DIP2C: variants seen among roughly 807,000 people sequenced by gnomAD.
DIP2C encodes disco-interacting protein 2 homolog C.
Under a neutral mutation model 192.4 loss-of-function variants are expected in DIP2C, and 33 were observed. The observed-to-expected ratio is 0.17, with a 90% CI of 0.13 to 0.23. DIP2C has a LOEUF of 0.23. DIP2C is among the 10% of genes least tolerant of loss of function. The pLI is 1.00. For missense variants in DIP2C, 1,537 were observed against 2,110.1 expected (o/e 0.73, Z 5.32); for synonymous variants, 979 against 864.1 (o/e 1.13, Z -2.33).
Position 527,294 on chromosome 10 carries a change from G to A in DIP2C, c.86-40764C>T, listed in dbSNP as rs142796991. 3.8e-3 allele frequency among the ~76,000 whole-genome samples: 575 copies of A among 152,182 alleles called. 5 individuals carry two copies. Among genetic ancestry groups the A allele is most frequent in the African/African-American group, 0.013 (530 of 41,508 alleles). On this transcript the variant is annotated intron_variant, in intron 1 of 36. Transcript: ENST00000280886. Reference sequence around the variant, plus strand: ...ATGGCCTGGCCTCCCGACCCTCCCCGCTTCTGGGCTTCTTGGCATGTTGTT... The same window carrying A: ...ATGGCCTGGCCTCCCGACCCTCCCCACTTCTGGGCTTCTTGGCATGTTGTT...
chr10:324,913 C>T (rs758293900), intron 31 of DIP2C: 1 of 532,088 alleles, frequency 1.9e-6, no homozygotes, highest in African/African-American at 1.9e-5. Flanking sequence ...TGTTTTGGTT[C>T]TTTTTTCACG....
At chr10:577,740 A>G (rs550307348) in intron 1 of DIP2C, among the ~76,000 whole-genome samples, 3 of 152,344 alleles carry the variant, frequency 2.0e-5, no homozygotes, top group South Asian at 4.1e-4. Flanking sequence ...AACACCTGGG[A>G]GAAATGTAAG....
Position 568,765 on chromosome 10 carries a change from C to CAAAAAAAAAAAAAAAA in DIP2C, c.86-82251_86-82236dup, listed in dbSNP as rs1206501677. On this transcript the variant is annotated intron_variant, in intron 1 of 36. Coordinates refer to ENST00000280886, the MANE Select transcript of DIP2C (RefSeq NM_014974.3). ...TGGGCGACAGAGGGAAACTCCGTCT[C>CAAAAAAAAAAAAAAAA]AAAAAAAAAAAAAAAAAAAAAAAAA... is the stretch of plus-strand genomic sequence containing the variant. Among the ~76,000 whole-genome samples the CAAAAAAAAAAAAAAAA allele has an allele frequency of 1.6e-4, 6 of 37,882 alleles. 1 individual carries two copies. Among genetic ancestry groups the CAAAAAAAAAAAAAAAA allele is most frequent in the Admixed American group, 4.3e-4 (1 of 2,312 alleles). 24.9% of individuals were successfully genotyped at this position (37,882 alleles called of 152,430 possible).
At chr10:396,643 A>G (rs1010391493) in intron 10 of DIP2C, among the ~76,000 whole-genome samples, 2 of 152,046 alleles carry the variant, frequency 1.3e-5, no homozygotes, top group African/African-American at 4.8e-5. Context: ...TAAACTCCTC[A>G]CTAGATCCCA....
At chr10:522,692 C>A (rs569777192) in intron 1 of DIP2C, among the ~76,000 whole-genome samples, 2 of 152,370 alleles carry the variant, frequency 1.3e-5, no homozygotes, top group South Asian at 4.1e-4. Flanking sequence ...GGGTATCTGT[C>A]CAAGGTCTTT....
intron 10 of DIP2C, among the ~76,000 whole-genome samples, chr10:391,074 C>T (rs919192977): frequency 1.3e-5 from 2 of 152,216 alleles, no homozygotes; most frequent in Non-Finnish European, 2.9e-5. Flanking sequence ...GAAAGAACAG[C>T]TGTCTCCCAG....
chr10:330,408 A>AT (rs1369994671), intron 29 of DIP2C, among the ~76,000 whole-genome samples: 1 of 152,194 alleles, frequency 6.6e-6, no homozygotes, highest in Non-Finnish European at 1.5e-5. Context: ...TCAAAACTAC[A>AT]TTTTTAATGG....
At position 445,057 on chromosome 10, in the gene DIP2C, A is replaced by G. The variant is rs193157166; in HGVS notation, c.269-4061T>C. On this transcript the variant is annotated intron_variant, in intron 3 of 36. Transcript: ENST00000280886. Reference sequence around the variant, plus strand: ...CCATCAGTCTGAGATCCAGCCTGTCATATCTTCACTAGCACCTGCTACCAT... The same window carrying G: ...CCATCAGTCTGAGATCCAGCCTGTCGTATCTTCACTAGCACCTGCTACCAT... Among the ~76,000 whole-genome samples the G allele has an allele frequency of 3.3e-5, 5 of 152,352 alleles. No homozygotes were observed. The East Asian group carries it at 9.6e-4, about 29-fold the overall frequency.
At chr10:337,927 ATG>A (rs1462195592) in intron 29 of DIP2C, among the ~76,000 whole-genome samples, 1 of 117,088 alleles carries the variant, frequency 8.5e-6, no homozygotes, top group African/African-American at 3.4e-5. Context: ...GCTGATGTGT[ATG>A]TGTGTGCTGT....
At chr10:674,176 T>C (rs1830774344) in intron 1 of DIP2C, among the ~76,000 whole-genome samples, 1 of 152,124 alleles carries the variant, frequency 6.6e-6, no homozygotes, top group Non-Finnish European at 1.5e-5. Flanking sequence ...TGAGTGGATT[T>C]AAAAAAAGAA....
chr10:438,664 T>C (rs2133257249), intron 4 of DIP2C, among the ~76,000 whole-genome samples: 1 of 151,540 alleles, frequency 6.6e-6, no homozygotes, highest in Middle Eastern at 3.4e-3. Context: ...CTGATTTCTG[T>C]ATTTTTGGTG....
chr10:632,216 G>A (rs888104787), intron 1 of DIP2C, among the ~76,000 whole-genome samples: 3 of 152,240 alleles, frequency 2.0e-5, no homozygotes, highest in East Asian at 1.9e-4. Flanking sequence ...AAGAATTCGC[G>A]GTGGCCCAGT....
chr10:344,725 C>T (rs912994391), intron 28 of DIP2C, 84 bp downstream of exon 28: 39 of 1,128,834 alleles, frequency 3.5e-5, no homozygotes, highest in African/African-American at 9.2e-5. Context: ...ACACGAGAGG[C>T]GCTGAGAGCC....
intron 1 of DIP2C, among the ~76,000 whole-genome samples, chr10:578,529 A>G (rs1850331993): frequency 6.6e-6 from 1 of 152,246 alleles, no homozygotes; most frequent in African/African-American, 2.4e-5. Context: ...ACACACATCA[A>G]GGAAGTGATT....
intron 1 of DIP2C, among the ~76,000 whole-genome samples, chr10:635,907 T>C (rs147835699): frequency 6.6e-6 from 1 of 152,280 alleles, no homozygotes; most frequent in East Asian, 1.9e-4. Context: ...GTGGTGACAC[T>C]TAACCTTGTC....
rs531141084 is a variant in DIP2C, at chr10:614,776, G to A, written c.85+74718C>T. ...GCTACGGGCTCCCTTGCCGGGTATC[G>A]CGGCTCCAGGGAGTAGGTATGGGAA... On this transcript the variant is annotated intron_variant, in intron 1 of 36. Transcript: ENST00000280886. Among the ~76,000 whole-genome samples the A allele has an allele frequency of 4.7e-4, 71 of 152,344 alleles. No homozygotes were observed. In the South Asian group the frequency reaches 0.013, roughly 28 times the overall value.
chr10:529,561 A>G (rs751362027), intron 1 of DIP2C, among the ~76,000 whole-genome samples: 18 of 152,052 alleles, frequency 1.2e-4, no homozygotes, highest in Non-Finnish European at 2.4e-4. Context: ...AGATATGGGA[A>G]AACAGAAAAG....
chr10:426,309 G>GACA (rs1278168521), intron 4 of DIP2C, among the ~76,000 whole-genome samples: 1 of 151,566 alleles, frequency 6.6e-6, no homozygotes, highest in Non-Finnish European at 1.5e-5. Context: ...TGTGTACACT[G>GACA]ACAACTATAA....
chr10:443,049 G>C (rs1589806660), intron 3 of DIP2C, among the ~76,000 whole-genome samples: 1 of 152,166 alleles, frequency 6.6e-6, no homozygotes, highest in Non-Finnish European at 1.5e-5. Flanking sequence ...ATTTTAGCAG[G>C]GATACCGCAG....
Sources: gnomAD v4.1 joint callset for allele counts (sites outside exome capture counted in the v4.1 genomes callset) on GRCh38, gnomAD v4.1.1 for gene constraint, MANE v1.5 for transcripts, NCBI Gene and HGNC (gene_info 2026-07-23, HGNC 2026-07-21) for gene names.